The following GAK variants were observed in gnomAD, a reference collection of about 807,000 sequenced individuals.
The protein encoded by GAK is cyclin-G-associated kinase.
A neutral mutation model predicts 143.9 loss-of-function variants in GAK; 79 were observed. That is an observed-to-expected ratio of 0.55 (90% confidence interval 0.46 to 0.66). The LOEUF is 0.66. Among genes scored for constraint, GAK ranks in the 30% least tolerant of loss-of-function variants. The pLI is 0.00. For synonymous variants in GAK, 881 were observed against 765.5 expected (o/e 1.15, Z -2.49); for missense variants, 1,693 against 1,779.7 (o/e 0.95, Z 0.88).
intron 4 of GAK, among the ~76,000 whole-genome samples, chr4:909,899 G>A (rs542276793): frequency 1.3e-5 from 2 of 152,222 alleles, no homozygotes; most frequent in Non-Finnish European, 2.9e-5. Context: ...GGGCTACCTG[G>A]CAGCATCTCC....
At position 917,422 on chromosome 4, in the gene GAK, C is replaced by A. The variant is rs528180633; in HGVS notation, c.146-3754G>T. ...GATCTATAGTAACAGAAGGCCAATGCCATGCCAAAAAAAGAGAGTACATAT... is the reference window on the plus strand; with the variant it reads ...GATCTATAGTAACAGAAGGCCAATGACATGCCAAAAAAAGAGAGTACATAT... On this transcript the variant is annotated intron_variant, in intron 1 of 27. Transcript: ENST00000314167. Among the ~76,000 whole-genome samples, 15 of 148,816 alleles carry A rather than the reference C, an allele frequency of 1.0e-4. No homozygotes were observed. The East Asian group carries it at 1.6e-3, about 16-fold the overall frequency.
chr4:859,126 G>A (rs540949794), intron 24 of GAK: 33 of 977,340 alleles, frequency 3.4e-5, no homozygotes, highest in East Asian at 1.1e-4. Flanking sequence ...AAGCCACAGC[G>A]CCCGGGGCCG....
At chr4:886,601 C>T (rs1364248511) in intron 11 of GAK, 1 of 152,278 alleles carries the variant, frequency 6.6e-6, no homozygotes, top group East Asian at 1.9e-4. Flanking sequence ...TCACTTATGG[C>T]TTTGCTGCCG....
At chr4:866,170 G>A (rs1324500088) in intron 22 of GAK, among the ~76,000 whole-genome samples, 194 bp downstream of exon 22, 2 of 152,232 alleles carry the variant, frequency 1.3e-5, no homozygotes, top group African/African-American at 2.4e-5. Context: ...ATGGTTTGGG[G>A]AGACAGAGCA....
At chr4:898,188 A>T in intron 5 of GAK, 30 bp from the exon 6 acceptor site, 1 of 1,612,210 alleles carries the variant, frequency 6.2e-7, no homozygotes, top group Non-Finnish European at 8.5e-7. Flanking sequence ...AGCCCCGTGA[A>T]CTTGGCGTAG....
rs757832142 is a variant in GAK at position 888,399 on chromosome 4, C to A, written c.1205+448G>T. The A allele has an allele frequency of 5.7e-5, 10 of 174,170 alleles. No homozygotes were observed. In the South Asian group the frequency reaches 1.4e-3, roughly 24 times the overall value. The allele number at this position is 174,170 out of a possible 1,614,324, so 10.8% of individuals were successfully genotyped here. On this transcript the variant is annotated intron_variant, in intron 11 of 27. Transcript: ENST00000314167. ...TCGGGGCCACCCCCGCACAGACGCG[C>A]CCTTGGACAGCCCACCCAGAGGGAG... is the stretch of plus-strand genomic sequence containing the variant.
At chr4:914,379 C>CAG (rs1722645913) in intron 1 of GAK, among the ~76,000 whole-genome samples, 2 of 108,708 alleles carry the variant, frequency 1.8e-5, no homozygotes, top group Non-Finnish European at 3.7e-5. Context: ...CCCACACACA[C>CAG]AGCCCCAGCA....
intron 27 of GAK, 57 bp from the exon 28 acceptor site, chr4:849,831 A>AGGTGGGGG: frequency 1.0e-6 from 1 of 999,054 alleles, no homozygotes; most frequent in Non-Finnish European, 1.4e-6. Flanking sequence ...CGGGCGGGGC[A>AGGTGGGGG]GGACCCCCCC....
chr4:849,821 C>CGGGGGGGGG, intron 27 of GAK, 47 bp from the exon 28 acceptor site: 17 of 1,435,258 alleles, frequency 1.2e-5, no homozygotes, highest in African/African-American at 1.5e-5. Context: ...CATGCGGGGG[C>CGGGGGGGGG]GGGCGGGGCA....
intron 5 of GAK, among the ~76,000 whole-genome samples, chr4:900,596 C>T (rs548327847): frequency 6.6e-6 from 1 of 152,268 alleles, no homozygotes; most frequent in South Asian, 2.1e-4. Flanking sequence ...AGAGACTCCT[C>T]AGGAAGAACC....
intron 24 of GAK, among the ~76,000 whole-genome samples, chr4:855,317 C>A (rs919040732): frequency 1.3e-5 from 2 of 151,364 alleles, no homozygotes; most frequent in African/African-American, 4.9e-5. Flanking sequence ...CAGATTTATA[C>A]CTAAATGTTT....
intron 25 of GAK, 142 bp from the exon 26 acceptor site, chr4:851,226 T>A: frequency 1.6e-6 from 1 of 639,254 alleles, no homozygotes; most frequent in Non-Finnish European, 2.6e-6. Context: ...GCCTCCCAAG[T>A]AGCTGGGACC....
intron 11 of GAK, chr4:884,506 C>T (rs1715859200): frequency 5.6e-6 from 1 of 177,776 alleles, no homozygotes; most frequent in South Asian, 1.1e-4. Flanking sequence ...GCTGCCCAGG[C>T]CTGGTGGTTG....
intron 1 of GAK, among the ~76,000 whole-genome samples, chr4:915,050 G>A (rs1235414733): frequency 4.9e-5 from 3 of 61,718 alleles, no homozygotes; most frequent in African/African-American, 6.7e-5. Flanking sequence ...CAGCGCACAC[G>A]GCCAACACAC....
At chr4:853,025 G>C (rs1553861720) in intron 24 of GAK, 1 of 150,328 alleles carries the variant, frequency 6.7e-6, no homozygotes, top group Admixed American at 6.6e-5. Context: ...TTTTTTTTTG[G>C]AGATGGTCTC....
chr4:883,530 C>G, intron 12 of GAK, 67 bp from the exon 13 acceptor site: 3 of 1,565,924 alleles, frequency 1.9e-6, no homozygotes, highest in Non-Finnish European at 2.6e-6. Flanking sequence ...GCTGCTGCGG[C>G]CTCGCTGCTC....
chr4:865,389 T>C, intron 22 of GAK, 145 bp from the exon 23 acceptor site: 1 of 980,492 alleles, frequency 1.0e-6, no homozygotes, highest in Non-Finnish European at 1.5e-6. Context: ...GGCCTCTCTC[T>C]TCCTGAAGGG....
At chr4:926,675 G>A (rs1724799791) in intron 1 of GAK, among the ~76,000 whole-genome samples, 1 of 152,180 alleles carries the variant, frequency 6.6e-6, no homozygotes, top group South Asian at 2.1e-4. Context: ...GACAAATGTT[G>A]ATGATCAAGC....
intron 9 of GAK, among the ~76,000 whole-genome samples, chr4:892,230 G>A (rs1400661134): frequency 6.6e-6 from 1 of 152,154 alleles, no homozygotes; most frequent in Non-Finnish European, 1.5e-5. Flanking sequence ...GGAAGTTCCG[G>A]CTTCCAGCTA....
Sources: gnomAD v4.1 joint callset for allele counts (sites outside exome capture counted in the v4.1 genomes callset) on GRCh38, gnomAD v4.1.1 for gene constraint, MANE v1.5 for transcripts, NCBI Gene and HGNC (gene_info 2026-07-23, HGNC 2026-07-21) for gene names.